ZXDC: variants seen among roughly 807,000 people sequenced by gnomAD.
ZXDC encodes zinc finger protein ZXDC.
ZXDC carries 58 observed loss-of-function variants against 63.6 expected under a neutral mutation model. That is an observed-to-expected ratio of 0.91 (90% CI 0.74 to 1.13). ZXDC has a LOEUF of 1.13. Ranked by LOEUF, ZXDC falls within the 50% of genes most tolerant of loss-of-function variation. The probability of loss-of-function intolerance (pLI) is 0.00; values close to 1 mark genes in which losing one functional copy is unlikely to be tolerated. For synonymous variants in ZXDC, 561 were observed against 496.1 expected (o/e 1.13, Z -1.74); for missense variants, 1,133 against 1,148.9 (o/e 0.99, Z 0.20).
intron 1 of ZXDC, among the ~76,000 whole-genome samples, chr3:126,473,518 C>T (rs1030475495): frequency 1.3e-5 from 2 of 152,216 alleles, no homozygotes; most frequent in Non-Finnish European, 2.9e-5. Flanking sequence ...CAGGCGGGAT[C>T]CCTGACCTTC....
rs566817207 is a variant in ZXDC, at chr3:126,458,578, A to G, written c.2212+1075T>C. ...TAAAGATAATGCTGAAATATTTACA[A>G]AAACAGTAATGAAAACATCAAACCT... On this transcript the variant is annotated intron_variant, in intron 7 of 9. Transcript: ENST00000389709. 15 of 985,000 alleles carry G rather than the reference A, an allele frequency of 1.5e-5. No homozygotes were observed. The African/African-American group carries it at 2.3e-4, about 15-fold the overall frequency. 61.0% of individuals were successfully genotyped at this position (985,000 alleles called of 1,614,324 possible).
intron 8 of ZXDC, 82 bp downstream of exon 8, chr3:126,441,683 T>C: frequency 6.9e-7 from 1 of 1,454,378 alleles, no homozygotes; most frequent in South Asian, 1.5e-5. Context: ...GGGCAGGGGA[T>C]GCAGCATGCC....
intron 7 of ZXDC, chr3:126,442,234 G>C (rs887392324): frequency 9.2e-6 from 2 of 217,530 alleles, no homozygotes; most frequent in African/African-American, 4.6e-5. Context: ...TTCTTGGAGA[G>C]CAGAATCCTC....
At chr3:126,463,499 G>T (rs1311762945) in intron 5 of ZXDC, among the ~76,000 whole-genome samples, 4 of 152,190 alleles carry the variant, frequency 2.6e-5, no homozygotes, top group Non-Finnish European at 5.9e-5. Context: ...GGGGAATAAT[G>T]ACTTCCAAAA....
chr3:126,474,881 C>A, intron 1 of ZXDC, 78 bp downstream of exon 1: 1 of 1,457,750 alleles, frequency 6.9e-7, no homozygotes, highest in East Asian at 2.5e-5. Context: ...TCTGGCAGGC[C>A]CCTCTGTGGG....
At chr3:126,460,761 G>A (rs1934494742) in intron 6 of ZXDC, 1 of 985,248 alleles carries the variant, frequency 1.0e-6, no homozygotes, top group African/African-American at 1.7e-5. Flanking sequence ...GTGGCTCCAT[G>A]GAGCCTCAGC....
intron 7 of ZXDC, among the ~76,000 whole-genome samples, chr3:126,449,806 G>A (rs1008515846): frequency 6.6e-6 from 1 of 152,346 alleles, no homozygotes; most frequent in Middle Eastern, 3.4e-3. Flanking sequence ...CAGAGGCCAG[G>A]TGTCTGCCAT....
intron 8 of ZXDC, chr3:126,441,062 TCTCTTCTCTCCCCAAATCCTTCCAAATC>T (rs1933656616): frequency 2.0e-6 from 2 of 985,380 alleles, no homozygotes; most frequent in Non-Finnish European, 1.2e-6. Context: ...GGCTTGTATA[TCTCTTCTCTCCCCAAATCCTTCCAAATC>T]ATCTTCCCTC....
At chr3:126,443,128 CTT>C (rs947469037) in intron 7 of ZXDC, 2 of 152,228 alleles carry the variant, frequency 1.3e-5, no homozygotes, top group African/African-American at 2.4e-5. Flanking sequence ...CCTCAGGGCT[CTT>C]TTTCTTTGAA....
In ZXDC at chr3:126,471,002, A is replaced by G; in HGVS notation, c.1163T>C (p.Phe388Ser). Reference protein sequence around the residue: ...HRRKHDDDRRFTCPVEGCGKS... With the variant: ...HRRKHDDDRRSTCPVEGCGKS... ...CCCACAGCCCTCGACAGGGCAGGTA[A>G]ACCTCCGGTCATCGTCATGTTTCCT... The change falls in exon 4 of 10, where the codon TTT becomes TCT. Residue 388 changes from phenylalanine to serine, a missense_variant. Coordinates refer to ENST00000389709, the MANE Select transcript of ZXDC (RefSeq NM_025112.5). 1 of 1,614,144 alleles carries G rather than the reference A, an allele frequency of 6.2e-7. No homozygotes were observed. The highest frequency in any genetic ancestry group is 8.5e-7 in the Non-Finnish European group (1 of 1,180,002).
chr3:126,471,138 T>C (rs1373230678), intron 3 of ZXDC, 113 bp from the exon 4 acceptor site: 59 of 1,397,138 alleles, frequency 4.2e-5, no homozygotes, highest in Non-Finnish European at 5.5e-5. Context: ...AAATGATCAG[T>C]ACATTTCGGA....
chr3:126,452,554 G>T (rs1934147839), intron 7 of ZXDC: 1 of 984,556 alleles, frequency 1.0e-6, no homozygotes. Context: ...GAATAATAAA[G>T]TTATTCACCG....
Position 126,440,976 on chromosome 3 carries a change from C to T in ZXDC, c.2394+789G>A, listed in dbSNP as rs867991794. The T allele has an allele frequency of 7.1e-6, 7 of 985,536 alleles. No homozygotes were observed. In the African/African-American group the frequency reaches 1.0e-4, roughly 15 times the overall value. 61.0% of individuals were successfully genotyped at this position (985,536 alleles called of 1,614,324 possible). A position where few individuals can be genotyped will look rare whatever the true frequency, so the allele number is the denominator to read the frequency against. ...CGCACTTCCGTGGGGCCTGCAACCG[C>T]ATCCCCTGCCACAGGGAATCTACAA... On this transcript the variant is annotated intron_variant, in intron 8 of 9. Coordinates refer to ENST00000389709, the MANE Select transcript of ZXDC (RefSeq NM_025112.5).
intron 1 of ZXDC, 112 bp from the exon 2 acceptor site, chr3:126,472,417 C>G (rs539931999): frequency 7.4e-7 from 1 of 1,342,358 alleles, no homozygotes; most frequent in African/African-American, 1.4e-5. Context: ...CAAGGGAAAA[C>G]ATGACTCAGA....
chr3:126,459,808 G>C, intron 6 of ZXDC, 71 bp from the exon 7 acceptor site: 5 of 1,612,674 alleles, frequency 3.1e-6, no homozygotes, highest in Non-Finnish European at 4.2e-6. Flanking sequence ...AGCTACAGAA[G>C]TGCCATAAGC....
chr3:126,461,372 T>C lies in ZXDC; in HGVS notation c.2127+163A>G. On this transcript the variant is annotated intron_variant, in intron 6 of 9. Coordinates refer to ENST00000389709, the MANE Select transcript of ZXDC (RefSeq NM_025112.5). ...AAGGCTCAGATGGGTTAAGGTGATT[T>C]GTCAAGGTCATAAGAACTTGTCAGT... 3 of 1,412,240 alleles carry C rather than the reference T, an allele frequency of 2.1e-6. 1 individual carries two copies. Among genetic ancestry groups the C allele is most frequent in the South Asian group, 3.3e-5 (2 of 59,826 alleles). The allele number at this position is 1,412,240 out of a possible 1,614,324, so 87.5% of individuals were successfully genotyped here.
In ZXDC at chr3:126,470,889, A is replaced by G. The variant is rs1440882644; in HGVS notation, c.1270+6T>C. 1.2e-6 allele frequency: 2 copies of G among 1,613,842 alleles called. No homozygotes were observed. The highest frequency in any genetic ancestry group is 1.7e-6 in the Non-Finnish European group (2 of 1,179,858). Reference sequence around the variant, plus strand: ...TTACTGCTCAAAGCAATGTTTTAAAATCTACCTTCCACAGGACACTCGAAC... The same window carrying G: ...TTACTGCTCAAAGCAATGTTTTAAAGTCTACCTTCCACAGGACACTCGAAC... On this transcript the variant is annotated splice_donor_region_variant and intron_variant, in intron 4 of 9. Transcript: ENST00000389709.
chr3:126,459,287 T>C (rs1374077562), intron 7 of ZXDC: 1 of 985,256 alleles, frequency 1.0e-6, no homozygotes, highest in Non-Finnish European at 1.2e-6. Context: ...AGTCCCCAGG[T>C]CTCTGCCATG....
chr3:126,461,792 G>A lies in ZXDC; in HGVS notation c.1870C>T (p.Pro624Ser). ...TTACTATTGGAGGTCAAAGCCAGTG[G>A]GTCGTCACTCAAGTTCTTCATGGGC... ...ALPMKNLSDD[P>S]LALTSNSNLA... is the part of the protein sequence containing the mutation. Residue 624 changes from proline to serine, a missense_variant, in exon 6 of 10, where the codon CCA becomes TCA. Transcript: ENST00000389709. The A allele has an allele frequency of 6.2e-7, 1 of 1,614,098 alleles. No homozygotes were observed. The highest frequency in any genetic ancestry group is 1.3e-5 in the African/African-American group (1 of 75,002).
Sources: allele counts gnomAD v4.1 joint callset (sites outside exome capture counted in the v4.1 genomes callset), GRCh38; gene constraint gnomAD v4.1.1; transcripts MANE v1.5; gene names NCBI Gene and HGNC (gene_info 2026-07-23, HGNC 2026-07-21).